SUPV3L1: variants seen among roughly 807,000 people sequenced by gnomAD.
SUPV3L1 encodes the protein Suv3 like RNA helicase, also known as ATP-dependent RNA helicase SUPV3L1, mitochondrial.
Under a neutral mutation model 70.0 loss-of-function variants are expected in SUPV3L1, and 35 were observed. That is an observed-to-expected ratio of 0.50 (90% CI 0.38 to 0.66). The LOEUF is 0.66. Among genes scored for constraint, SUPV3L1 ranks in the 30% least tolerant of loss-of-function variants. The pLI is 0.00. For synonymous variants in SUPV3L1, 364 were observed against 341.9 expected (o/e 1.06, Z -0.71); for missense variants, 777 against 961.5 (o/e 0.81, Z 2.54).
Position 69,202,857 on chromosome 10 carries a change from T to A in SUPV3L1, c.1600-10T>A. 1 of 1,608,758 alleles carries A rather than the reference T, an allele frequency of 6.2e-7. No individual in the cohort carries two copies. Among genetic ancestry groups the A allele is most frequent in the Non-Finnish European group, 8.5e-7 (1 of 1,177,016 alleles). ...GGCAGTCCAGTAATTTCTGTCTTTT[T>A]TTCCCCAAGGATATTTTTGTAGACT... On this transcript the variant is annotated splice_polypyrimidine_tract_variant and intron_variant, in intron 12 of 14. Coordinates refer to ENST00000359655, the MANE Select transcript of SUPV3L1 (RefSeq NM_003171.5).
Position 69,180,280 on chromosome 10 carries a change from C to G in SUPV3L1, c.-12C>G, listed in dbSNP as rs769691279. On this transcript the variant is annotated 5_prime_UTR_variant, in exon 1 of 15. Coordinates refer to ENST00000359655, the MANE Select transcript of SUPV3L1 (RefSeq NM_003171.5). ...CGCGGCTGCGCCAGACAGTGTAGAA[C>G]CTGCGGCCTCGATGTCCTTCTCCCG... is the stretch of plus-strand genomic sequence containing the variant. 2.0e-5 allele frequency: 33 copies of G among 1,612,036 alleles called. No homozygotes were observed. The highest frequency in any genetic ancestry group is 2.5e-5 in the Non-Finnish European group (30 of 1,179,386).
chr10:69,204,520 A>T (rs1309722625), intron 13 of SUPV3L1, among the ~76,000 whole-genome samples: 1 of 152,220 alleles, frequency 6.6e-6, no homozygotes, highest in Non-Finnish European at 1.5e-5. Flanking sequence ...GTTCGAGAAC[A>T]TCTCCAGCAA....
At chr10:69,181,196 C>T (rs924132606) in intron 1 of SUPV3L1, among the ~76,000 whole-genome samples, 1 of 152,122 alleles carries the variant, frequency 6.6e-6, no homozygotes, top group Non-Finnish European at 1.5e-5. Flanking sequence ...GGGCTTTGCT[C>T]AGCAAAACTT....
chr10:69,193,004 C>T (rs755434596), intron 6 of SUPV3L1: 2 of 152,168 alleles, frequency 1.3e-5, no homozygotes, highest in Non-Finnish European at 2.9e-5. Flanking sequence ...TAACCCACCG[C>T]ACCTGGCCTT....
At chr10:69,185,077 C>T (rs1842180983) in intron 1 of SUPV3L1, among the ~76,000 whole-genome samples, 1 of 152,200 alleles carries the variant, frequency 6.6e-6, no homozygotes, top group African/African-American at 2.4e-5. Context: ...TCTGCCGTCA[C>T]CCTTGACAGT....
At chr10:69,206,794 G>T (rs746008296) in intron 13 of SUPV3L1, among the ~76,000 whole-genome samples, 3 of 152,168 alleles carry the variant, frequency 2.0e-5, no homozygotes, top group Non-Finnish European at 4.4e-5. Flanking sequence ...GGATCACAAG[G>T]TCGGGAGTTT....
intron 5 of SUPV3L1, among the ~76,000 whole-genome samples, chr10:69,191,268 G>C (rs886365349): frequency 8.0e-6 from 1 of 125,024 alleles, no homozygotes; most frequent in Non-Finnish European, 1.6e-5. Context: ...GTCTTGCTCT[G>C]TCTCCAGGCT....
At chr10:69,197,490 T>TA (rs1389835681) in intron 8 of SUPV3L1, among the ~76,000 whole-genome samples, 28 of 152,248 alleles carry the variant, frequency 1.8e-4, no homozygotes, top group Admixed American at 1.2e-3. Flanking sequence ...TTGAAATTCT[T>TA]AGAGTTGGAA....
At chr10:69,204,799 A>G (rs1842781545) in intron 13 of SUPV3L1, among the ~76,000 whole-genome samples, 2 of 149,814 alleles carry the variant, frequency 1.3e-5, no homozygotes, top group Non-Finnish European at 3.0e-5. Context: ...TTTGAGACAG[A>G]GTCTCACTCT....
chr10:69,204,506 A>C (rs1589390895), intron 13 of SUPV3L1, among the ~76,000 whole-genome samples: 1 of 152,210 alleles, frequency 6.6e-6, no homozygotes, highest in South Asian at 2.1e-4. Context: ...GCTTAAGCCT[A>C]GGAGTTCGAG....
At chr10:69,199,622 A>T (rs1259292377) in intron 10 of SUPV3L1, among the ~76,000 whole-genome samples, 1 of 151,844 alleles carries the variant, frequency 6.6e-6, no homozygotes, top group Non-Finnish European at 1.5e-5. Flanking sequence ...GCCTCCAGTG[A>T]TCTTCCCACC....
At chr10:69,195,844 G>A (rs1259152315) in intron 7 of SUPV3L1, among the ~76,000 whole-genome samples, 1 of 152,090 alleles carries the variant, frequency 6.6e-6, no homozygotes, top group Non-Finnish European at 1.5e-5. Context: ...CTGGGCTCAA[G>A]CAGTCCTCCC....
intron 5 of SUPV3L1, among the ~76,000 whole-genome samples, chr10:69,190,698 C>T (rs1006705415): frequency 2.0e-5 from 3 of 152,178 alleles, no homozygotes; most frequent in Admixed American, 2.0e-4. Flanking sequence ...CTCTAGTTTC[C>T]ATTAATCTTG....
chr10:69,191,876 G>A (rs1362366990), intron 6 of SUPV3L1, 110 bp downstream of exon 6: 44 of 706,916 alleles, frequency 6.2e-5, no homozygotes, highest in Admixed American at 8.4e-5. Context: ...GTACTATCTC[G>A]GCTCACTGCG....
chr10:69,205,641 C>T (rs55647965), intron 13 of SUPV3L1, among the ~76,000 whole-genome samples: 24,704 of 152,192 alleles, frequency 0.16, 2,680 homozygotes, highest in Non-Finnish European at 0.23. Flanking sequence ...TCAGGCGATT[C>T]TCCTGTCTCA....
intron 2 of SUPV3L1, 96 bp downstream of exon 2, chr10:69,186,160 A>G: frequency 9.0e-7 from 1 of 1,115,452 alleles, no homozygotes; most frequent in Non-Finnish European, 1.3e-6. Context: ...TGGCTGTTGT[A>G]GTCTGGAGAC....
chr10:69,180,660 T>A (rs1769948838), intron 1 of SUPV3L1, 98 bp downstream of exon 1: 5 of 1,431,538 alleles, frequency 3.5e-6, no homozygotes, highest in Admixed American at 3.9e-5. Context: ...GGATCCGAGG[T>A]CCCATCGAGT....
chr10:69,194,619 T>G (rs12267611), intron 6 of SUPV3L1, among the ~76,000 whole-genome samples: 8,656 of 152,092 alleles, frequency 0.057, 287 homozygotes, highest in South Asian at 0.13. Flanking sequence ...CAAGAAAATG[T>G]TTTTAAAATT....
intron 1 of SUPV3L1, among the ~76,000 whole-genome samples, chr10:69,185,031 T>C (rs1842178362): frequency 1.3e-5 from 2 of 152,232 alleles, no homozygotes; most frequent in East Asian, 1.9e-4. Flanking sequence ...TATTGATTCA[T>C]AGTGGCATGT....
Sources: allele counts gnomAD v4.1 joint callset (sites outside exome capture counted in the v4.1 genomes callset), GRCh38; gene constraint gnomAD v4.1.1; transcripts MANE v1.5; gene names NCBI Gene and HGNC (gene_info 2026-07-23, HGNC 2026-07-21).